SLC30A10: variants seen among roughly 807,000 people sequenced by gnomAD.
SLC30A10 encodes calcium/manganese antiporter SLC30A10.
SLC30A10 carries 8 observed loss-of-function variants against 21.7 expected under a neutral mutation model. The ratio of observed to expected loss-of-function variants is 0.37; its 90% confidence interval spans 0.22 to 0.67. The LOEUF (loss-of-function observed/expected upper bound fraction) is 0.67. Ranked by LOEUF, SLC30A10 falls within the 30% of genes least tolerant of loss-of-function variation. The pLI, the probability that SLC30A10 is intolerant of heterozygous loss-of-function variation, is 0.58. For synonymous variants in SLC30A10, 272 were observed against 279.4 expected, an observed-to-expected ratio of 0.97 and a Z score of 0.26; for missense variants, 521 against 642.5, an observed-to-expected ratio of 0.81 and a Z score of 2.04.
At position 219,928,467 on chromosome 1, in the gene SLC30A10, G is replaced by C; in HGVS notation, c.-27C>G. The C allele has an allele frequency of 6.4e-7, 1 of 1,563,394 alleles. No homozygotes were observed. The highest frequency in any genetic ancestry group is 1.2e-5 in the South Asian group (1 of 84,454). On this transcript the variant is annotated 5_prime_UTR_variant, in exon 1 of 4. Transcript: ENST00000366926. The surrounding 1 kb of genome is among the most constrained non-coding windows in gnomAD (Gnocchi z 6.3). The stretch of plus-strand genomic sequence containing the variant: ...TCGCCACCAGCCCCGGGCGCCCGGC[G>C]CCGCCCAGGGGAGCGCAGCCCACCC...
intron 2 of SLC30A10, among the ~76,000 whole-genome samples, chr1:219,924,000 G>A (rs1240752087): frequency 6.6e-6 from 1 of 152,228 alleles, no homozygotes; most frequent in Non-Finnish European, 1.5e-5. Context: ...GAGGCAGTTT[G>A]TGGTGAGTCA....
intron 1 of SLC30A10, among the ~76,000 whole-genome samples, chr1:219,935,519 T>A (rs1176013404): frequency 6.6e-6 from 1 of 152,264 alleles, no homozygotes; most frequent in Non-Finnish European, 1.5e-5. Context: ...TAAAATCCAA[T>A]CTTGCTTCTG....
chr1:219,954,913 G>C (rs1660325940), intron 1 of SLC30A10, among the ~76,000 whole-genome samples: 1 of 152,030 alleles, frequency 6.6e-6, no homozygotes, highest in Non-Finnish European at 1.5e-5. Flanking sequence ...AAAGGCCACT[G>C]TACAGCAAGG....
At position 219,918,328 on chromosome 1, in the gene SLC30A10, G is replaced by A; in HGVS notation, c.885C>T (p.Ala295=). 1 of 1,614,098 alleles carries A rather than the reference G, an allele frequency of 6.2e-7. No individual in the cohort carries two copies. The highest frequency in any genetic ancestry group is 8.5e-7 in the Non-Finnish European group (1 of 1,180,024). Residue 295 remains alanine, a synonymous_variant, in exon 3 of 4, where the codon GCC becomes GCT. Transcript: ENST00000366926. The surrounding 1 kb of genome is among the most constrained non-coding windows in gnomAD (Gnocchi z 4.4). ...VLMVIIILSS[A]FPLIKETAAI... is the part of the protein sequence containing the mutation. The stretch of plus-strand genomic sequence containing the variant: ...CAGCGGTCTCCTTGATAAGCGGGAA[G>A]GCAGATGACAAAATGATGATGACCA...
At position 219,912,320 on chromosome 1, in the gene SLC30A10, T is replaced by A. The variant is rs1277250688; in HGVS notation, c.*3129A>T. 6.6e-6 allele frequency among the ~76,000 whole-genome samples: 1 copy of A among 152,080 alleles called. No homozygotes were observed. Among genetic ancestry groups the A allele is most frequent in the African/African-American group, 2.4e-5 (1 of 41,424 alleles). The stretch of plus-strand genomic sequence containing the variant: ...CAATGGAGCCTGTGGGTATTCATAA[T>A]GGCCCAATATCATGAAAAAAATTAA... On this transcript the variant is annotated 3_prime_UTR_variant, in exon 4 of 4. Coordinates refer to ENST00000366926, the MANE Select transcript of SLC30A10 (RefSeq NM_018713.3).
At chr1:219,936,883 A>T (rs1469044824) in intron 1 of SLC30A10, among the ~76,000 whole-genome samples, 1 of 152,196 alleles carries the variant, frequency 6.6e-6, no homozygotes, top group African/African-American at 2.4e-5. Context: ...GTGTACCTGT[A>T]ATTCTGAAAG....
In SLC30A10 at chr1:219,915,179, T is replaced by C. The variant is rs1571788339; in HGVS notation, c.*270A>G. 1 of 454,566 alleles carries C rather than the reference T, an allele frequency of 2.2e-6. No homozygotes were observed. 28.2% of individuals were successfully genotyped at this position (454,566 alleles called of 1,614,324 possible). A position where few individuals can be genotyped will look rare whatever the true frequency, so the allele number is the denominator to read the frequency against. On this transcript the variant is annotated 3_prime_UTR_variant, in exon 4 of 4. Coordinates refer to ENST00000366926, the MANE Select transcript of SLC30A10 (RefSeq NM_018713.3). Reference sequence around the variant, plus strand: ...CCCAGACTTTAATGTCCCTGATATATACACTAGTGCAGTTTGCTTTAGAAA... The same window carrying C: ...CCCAGACTTTAATGTCCCTGATATACACACTAGTGCAGTTTGCTTTAGAAA...
At chr1:219,937,670 C>T (rs1468322169) in intron 1 of SLC30A10, among the ~76,000 whole-genome samples, 2 of 152,224 alleles carry the variant, frequency 1.3e-5, no homozygotes, top group Non-Finnish European at 2.9e-5. Flanking sequence ...AAAAATTAGT[C>T]AGGCGTGCTG....
chr1:219,939,310 C>T lies in SLC30A10; in HGVS notation n.81-12205G>A, dbSNP rs1213990186. 2.0e-5 allele frequency among the ~76,000 whole-genome samples: 3 copies of T among 152,226 alleles called. No homozygotes were observed. In the South Asian group the frequency reaches 6.2e-4, roughly 32 times the overall value. On this transcript the variant is annotated intron_variant and non_coding_transcript_variant, in intron 1 of 8. Transcript: ENST00000484239. ...ATCCAGGCAGCTATTAAAAGCTACC[C>T]TCTCAAAGCTGTGAATGCCATCCAA...
intron 1 of SLC30A10, among the ~76,000 whole-genome samples, chr1:219,947,217 G>A (rs867367205): frequency 6.6e-6 from 1 of 152,178 alleles, no homozygotes; most frequent in South Asian, 2.1e-4. Context: ...AAGAACAAGA[G>A]CATAGGTATA....
chr1:219,946,366 G>C (rs1473632351), intron 1 of SLC30A10, among the ~76,000 whole-genome samples: 1 of 152,164 alleles, frequency 6.6e-6, no homozygotes, highest in Admixed American at 6.5e-5. Flanking sequence ...AGGAAGCAGT[G>C]GTTGATATTG....
Position 219,915,409 on chromosome 1 carries a change from A to T in SLC30A10, c.*40T>A. 6.3e-7 allele frequency: 1 copy of T among 1,575,222 alleles called. No individual in the cohort carries two copies. Among genetic ancestry groups the T allele is most frequent in the Non-Finnish European group, 8.6e-7 (1 of 1,160,746 alleles). On this transcript the variant is annotated 3_prime_UTR_variant, in exon 4 of 4. Transcript: ENST00000366926. Reference sequence around the variant, plus strand: ...TTTGTGAGCCAAGCTTGTGGTTCCAAAGTGCCTCGTCTATATGGTCTGATT... The same window carrying T: ...TTTGTGAGCCAAGCTTGTGGTTCCATAGTGCCTCGTCTATATGGTCTGATT...
At chr1:219,935,694 CAT>C (rs1244874047) in intron 1 of SLC30A10, among the ~76,000 whole-genome samples, 3 of 152,200 alleles carry the variant, frequency 2.0e-5, no homozygotes, top group African/African-American at 7.2e-5. Flanking sequence ...AATCAACAAA[CAT>C]TGGCTCCTTC....
At position 219,915,869 on chromosome 1, in the gene SLC30A10, A is replaced by G. The variant is rs772219560; in HGVS notation, c.1038T>C (p.Ile346=). The G allele has an allele frequency of 1.1e-5, 17 of 1,614,078 alleles. No individual in the cohort carries two copies. Among genetic ancestry groups the G allele is most frequent in the Non-Finnish European group, 1.4e-5 (17 of 1,180,048 alleles). Residue 346 remains isoleucine (I), a synonymous_variant, in exon 4 of 4, where the codon ATT becomes ATC. Transcript: ENST00000366926. ...TAGGATACTTGATGTGCAGGGTGGC[A>G]ATAATCTTTCCACTTACAAGTTCCC... ...HIWELVSGKI[I]ATLHIKYPKD...
At position 219,912,807 on chromosome 1, in the gene SLC30A10, C is replaced by G. The variant is rs1263504578; in HGVS notation, c.*2642G>C. The stretch of plus-strand genomic sequence containing the variant: ...CGAGATAGCACCACTGCACTCCAGC[C>G]TGGGCGACAGAGCAAGACTCCGTCT... On this transcript the variant is annotated 3_prime_UTR_variant, in exon 4 of 4. Coordinates refer to ENST00000366926, the MANE Select transcript of SLC30A10 (RefSeq NM_018713.3). Among the ~76,000 whole-genome samples the G allele has an allele frequency of 6.6e-6, 1 of 151,970 alleles. No individual in the cohort carries two copies. Among genetic ancestry groups the G allele is most frequent in the Non-Finnish European group, 1.5e-5 (1 of 68,008 alleles).
At chr1:219,917,992 C>A (rs565964422) in intron 3 of SLC30A10, among the ~76,000 whole-genome samples, 8 of 152,066 alleles carry the variant, frequency 5.3e-5, no homozygotes, top group Admixed American at 2.6e-4. Context: ...GGATTACAGG[C>A]GTGAGCCACC....
Position 219,915,481 on chromosome 1 carries a change from C to G in SLC30A10, c.1426G>C (p.Asp476His), listed in dbSNP as rs1210225949. The G allele has an allele frequency of 6.2e-7, 1 of 1,614,154 alleles. No homozygotes were observed. Among genetic ancestry groups the G allele is most frequent in the Non-Finnish European group, 8.5e-7 (1 of 1,180,022 alleles). ...HGQSLNKTQEDQCYVNRTHF is the reference protein window; with the variant it reads ...HGQSLNKTQEHQCYVNRTHF ...TGCGTTCTGTTGACATAACATTGGT[C>G]CTCCTGAGTTTTGTTAAGACTTTGT... is the stretch of plus-strand genomic sequence containing the variant. The change falls in exon 4 of 4, where the codon GAC (aspartate) becomes CAC (histidine). Residue 476 changes from aspartate (D) to histidine (H), a missense_variant. Coordinates refer to ENST00000366926, the MANE Select transcript of SLC30A10 (RefSeq NM_018713.3).
Position 219,910,768 on chromosome 1 carries a change from G to C in SLC30A10, c.*4681C>G, listed in dbSNP as rs1212224565. ...CAGAGTAGGTGCAGTGTCTGGCATG[G>C]CTTTGTACTAAGAGGTGACAGTTGA... On this transcript the variant is annotated 3_prime_UTR_variant, in exon 4 of 4. Coordinates refer to ENST00000366926, the MANE Select transcript of SLC30A10 (RefSeq NM_018713.3). 2.0e-5 allele frequency among the ~76,000 whole-genome samples: 3 copies of C among 152,142 alleles called. No individual in the cohort carries two copies. Among genetic ancestry groups the C allele is most frequent in the Admixed American group, 1.3e-4 (2 of 15,282 alleles).
Position 219,953,139 on chromosome 1 carries a change from G to A in SLC30A10, n.80+5429C>T, listed in dbSNP as rs190106478. Among the ~76,000 whole-genome samples the A allele has an allele frequency of 1.1e-4, 17 of 152,290 alleles. No homozygotes were observed. In the East Asian group the frequency reaches 3.3e-3, roughly 29 times the overall value. On this transcript the variant is annotated intron_variant and non_coding_transcript_variant, in intron 1 of 8. Coordinates refer to the SLC30A10 transcript ENST00000484239. ...GCTTGGAAAACAATGGTTACTGTCA[G>A]ATATAGACAAAATGCAAAGTAAAGC...
Sources: allele counts gnomAD v4.1 joint callset (sites outside exome capture counted in the v4.1 genomes callset), GRCh38; gene constraint gnomAD v4.1.1; non-coding constraint Gnocchi (gnomAD v3.1); transcripts MANE v1.5; gene names NCBI Gene and HGNC (gene_info 2026-07-23, HGNC 2026-07-21).